Variants in RBM48 observed in about 807,000 individuals in gnomAD.
RBM48 encodes RNA binding motif protein 48, also known as RNA-binding protein 48.
In RBM48, 32 loss-of-function variants were observed where a neutral mutation model predicts 34.8. The ratio of observed to expected loss-of-function variants is 0.92; its 90% CI spans 0.69 to 1.23. The LOEUF (loss-of-function observed/expected upper bound fraction) is 1.23. Among genes scored for constraint, RBM48 ranks in the 50% most tolerant of loss-of-function variants. RBM48 has a pLI of 0.00. For synonymous variants in RBM48, 151 were observed against 156.2 expected (o/e 0.97, Z 0.25); for missense variants, 441 against 447.2 (o/e 0.99, Z 0.12).
Position 92,537,034 on chromosome 7 carries a change from T to C in RBM48, c.*97T>C. The stretch of plus-strand genomic sequence containing the variant: ...TTCAAGAGATTTTACTGCTGGTATT[T>C]TTTAATGCACTCCTCTTTGTAATTT... On this transcript the variant is annotated 3_prime_UTR_variant, in exon 5 of 5. Coordinates refer to ENST00000265732, the MANE Select transcript of RBM48 (RefSeq NM_032120.4). 1.2e-6 allele frequency: 1 copy of C among 840,338 alleles called. No individual in the cohort carries two copies. The highest frequency in any genetic ancestry group is 1.8e-6 in the Non-Finnish European group (1 of 549,848). The allele number at this position is 840,338 out of a possible 1,614,324, so 52.1% of individuals were successfully genotyped here. A position where few individuals can be genotyped will look rare whatever the true frequency, so the allele number is the denominator to read the frequency against.
chr7:92,537,930 A>G lies in RBM48; in HGVS notation c.*993A>G, dbSNP rs1793763808. The G allele has an allele frequency of 6.6e-6, 1 of 152,164 alleles. No individual in the cohort carries two copies. The highest frequency in any genetic ancestry group is 6.5e-5 in the Admixed American group (1 of 15,272). The allele number at this position is 152,164 out of a possible 1,614,324, so 9.4% of individuals were successfully genotyped here. ...GTGATTCACCCACCTCGGCCTCCCA[A>G]AGTACTAGGATTATGGGTGTGACCC... On this transcript the variant is annotated 3_prime_UTR_variant, in exon 5 of 5. Transcript: ENST00000265732.
At position 92,538,662 on chromosome 7, in the gene RBM48, C is replaced by T. The variant is rs1302089817; in HGVS notation, c.*1725C>T. 1.3e-5 allele frequency among the ~76,000 whole-genome samples: 2 copies of T among 152,172 alleles called. No individual in the cohort carries two copies. Among genetic ancestry groups the T allele is most frequent in the African/African-American group, 2.4e-5 (1 of 41,426 alleles). ...GGAGCAAATTGCTGTCTGGTTCAGGCTTCTCAGACTATAAGTTGCTATGAT... is the reference window on the plus strand; with the variant it reads ...GGAGCAAATTGCTGTCTGGTTCAGGTTTCTCAGACTATAAGTTGCTATGAT... On this transcript the variant is annotated 3_prime_UTR_variant, in exon 5 of 5. Coordinates refer to ENST00000265732, the MANE Select transcript of RBM48 (RefSeq NM_032120.4).
chr7:92,534,225 T>G (rs2116324671), intron 3 of RBM48, 177 bp from the exon 4 acceptor site: 1 of 909,622 alleles, frequency 1.1e-6, no homozygotes, highest in Middle Eastern at 2.2e-4. Flanking sequence ...ATATATCTTT[T>G]TATCCGTTTT....
At chr7:92,532,602 T>C (rs1793604443) in intron 3 of RBM48, 53 bp downstream of exon 3, 2 of 1,309,150 alleles carry the variant, frequency 1.5e-6, no homozygotes. Flanking sequence ...CTCTGCCAGG[T>C]GTGTCATCAT....
At chr7:92,533,888 G>T (rs1268368631) in intron 3 of RBM48, among the ~76,000 whole-genome samples, 1 of 146,984 alleles carries the variant, frequency 6.8e-6, no homozygotes. Flanking sequence ...AGTGCGACAA[G>T]CATATTGCTT....
At position 92,537,044 on chromosome 7, in the gene RBM48, C is replaced by A. The variant is rs761550739; in HGVS notation, c.*107C>A. On this transcript the variant is annotated 3_prime_UTR_variant, in exon 5 of 5. Transcript: ENST00000265732. Reference sequence around the variant, plus strand: ...TTTACTGCTGGTATTTTTTAATGCACTCCTCTTTGTAATTTCATTCAAGCC... The same window carrying A: ...TTTACTGCTGGTATTTTTTAATGCAATCCTCTTTGTAATTTCATTCAAGCC... 21 of 761,994 alleles carry A rather than the reference C, an allele frequency of 2.8e-5. No individual in the cohort carries two copies. The highest frequency in any genetic ancestry group is 4.1e-5 in the Non-Finnish European group (20 of 485,408). 47.2% of individuals were successfully genotyped at this position (761,994 alleles called of 1,614,324 possible). A position where few individuals can be genotyped will look rare whatever the true frequency, so the allele number is the denominator to read the frequency against.
At chr7:92,536,735 C>A in intron 4 of RBM48, 116 bp from the exon 5 acceptor site, 1 of 1,376,386 alleles carries the variant, frequency 7.3e-7, no homozygotes, top group Non-Finnish European at 9.4e-7. Context: ...CGAACTCTGC[C>A]TCGAAAGTGA....
At chr7:92,533,240 T>C (rs1793619789) in intron 3 of RBM48, among the ~76,000 whole-genome samples, 1 of 152,186 alleles carries the variant, frequency 6.6e-6, no homozygotes, top group Non-Finnish European at 1.5e-5. Flanking sequence ...AACTCTAACT[T>C]GTAAGATAAG....
Position 92,540,254 on chromosome 7 carries a change from A to C in RBM48, c.*3317A>C, listed in dbSNP as rs1356403004. The C allele has an allele frequency of 6.6e-6, 1 of 152,262 alleles. No individual in the cohort carries two copies. Among genetic ancestry groups the C allele is most frequent in the Non-Finnish European group, 1.5e-5 (1 of 68,048 alleles). 9.4% of individuals were successfully genotyped at this position (152,262 alleles called of 1,614,324 possible). ...TCCTGAATCTATATGGGCTATTGGC[A>C]CTAGTAACTATACATTTGCTTCTGG... On this transcript the variant is annotated 3_prime_UTR_variant, in exon 5 of 5. Coordinates refer to ENST00000265732, the MANE Select transcript of RBM48 (RefSeq NM_032120.4).
chr7:92,534,206 C>G, intron 3 of RBM48, 196 bp from the exon 4 acceptor site: 1 of 743,062 alleles, frequency 1.3e-6, no homozygotes. Flanking sequence ...AAGGGTGACA[C>G]TTGATGCTAT....
Position 92,538,263 on chromosome 7 carries a change from G to C in RBM48, c.*1326G>C, listed in dbSNP as rs77657145. Among the ~76,000 whole-genome samples, 18,523 of 152,130 alleles carry C rather than the reference G, an allele frequency of 0.12. 1,162 individuals carry two copies. Among genetic ancestry groups the C allele is most frequent in the African/African-American group, 0.14 (5,647 of 41,462 alleles). ...CTGGTCCTTTTAAGGGCTTACAACT[G>C]TAAGAGGGTCTGCGTGAAAGGGTTG... On this transcript the variant is annotated 3_prime_UTR_variant, in exon 5 of 5. Coordinates refer to ENST00000265732, the MANE Select transcript of RBM48 (RefSeq NM_032120.4).
Position 92,529,587 on chromosome 7 carries a change from T to G in RBM48, c.223T>G (p.Tyr75Asp). 1 of 1,610,942 alleles carries G rather than the reference T, an allele frequency of 6.2e-7. No individual in the cohort carries two copies. The highest frequency in any genetic ancestry group is 8.5e-7 in the Non-Finnish European group (1 of 1,177,376). The change falls in exon 2 of 5, where the codon TAC (tyrosine) becomes GAC (aspartate). Residue 75 changes from tyrosine to aspartate, a missense_variant. Tyr to Asp is a radical substitution (Grantham distance 160, BLOSUM62 -3). Transcript: ENST00000265732. ...CGCTTTATATGGTGCAATTGAACAG[T>G]ACAATGCTCTAGATGAATACCCAGC... ...RFALYGAIEQ[Y>D]NALDEYPAED... is the part of the protein sequence containing the mutation.
chr7:92,528,920 T>C lies in RBM48; in HGVS notation c.107T>C (p.Val36Ala), dbSNP rs1204016838. Residue 36 changes from valine (V) to alanine (A), a missense_variant, in exon 1 of 5, where the codon GTG becomes GCG. Physicochemically the swap from Val to Ala is moderately conservative, Grantham distance 64. Transcript: ENST00000265732. ...CGAGAGGGACGACGGCCTCGTGCTGTGAAGGTAAAGTGATTTTGGTTTCAT... is the reference window on the plus strand; with the variant it reads ...CGAGAGGGACGACGGCCTCGTGCTGCGAAGGTAAAGTGATTTTGGTTTCAT... ...KYREGRRPRAVKVYTINLESQ... is the reference protein window; with the variant it reads ...KYREGRRPRAAKVYTINLESQ... 1.9e-6 allele frequency: 3 copies of C among 1,612,460 alleles called. No homozygotes were observed. Among genetic ancestry groups the C allele is most frequent in the Admixed American group, 3.3e-5 (2 of 59,938 alleles).
chr7:92,533,837 T>C (rs957163727), intron 3 of RBM48, among the ~76,000 whole-genome samples: 6 of 152,132 alleles, frequency 3.9e-5, no homozygotes, highest in Non-Finnish European at 4.4e-5. Context: ...AATCTGCTTT[T>C]GGGAGAGTAA....
chr7:92,533,911 A>G (rs978829789), intron 3 of RBM48, among the ~76,000 whole-genome samples: 1 of 151,752 alleles, frequency 6.6e-6, no homozygotes, highest in African/African-American at 2.4e-5. Flanking sequence ...TTTAGTGACT[A>G]ACAAACACAA....
At position 92,537,454 on chromosome 7, in the gene RBM48, T is replaced by G. The variant is rs1793749255; in HGVS notation, c.*517T>G. The G allele has an allele frequency of 6.6e-6, 1 of 152,156 alleles. No homozygotes were observed. 9.4% of individuals were successfully genotyped at this position (152,156 alleles called of 1,614,324 possible). On this transcript the variant is annotated 3_prime_UTR_variant, in exon 5 of 5. Coordinates refer to ENST00000265732, the MANE Select transcript of RBM48 (RefSeq NM_032120.4). The stretch of plus-strand genomic sequence containing the variant: ...ATCTCTCATGTACAGTAATTATATG[T>G]AAATTAATTGAAGCAAATATGGAAA...
chr7:92,536,734 C>G (rs1437861634), intron 4 of RBM48, 117 bp from the exon 5 acceptor site: 1 of 1,374,350 alleles, frequency 7.3e-7, no homozygotes, highest in Non-Finnish European at 9.4e-7. Flanking sequence ...GCGAACTCTG[C>G]CTCGAAAGTG....
intron 3 of RBM48, among the ~76,000 whole-genome samples, chr7:92,532,804 G>C (rs537081481): frequency 6.6e-6 from 1 of 152,352 alleles, no homozygotes; most frequent in African/African-American, 2.4e-5. Context: ...AACTAAATGG[G>C]AGAGGAAAAG....
chr7:92,535,201 A>G, intron 4 of RBM48: 4 of 1,401,898 alleles, frequency 2.9e-6, no homozygotes, highest in Non-Finnish European at 3.7e-6. Context: ...CTGTAGATAC[A>G]AAATATTAAA....
Sources: gnomAD v4.1 joint callset for allele counts (sites outside exome capture counted in the v4.1 genomes callset) on GRCh38, gnomAD v4.1.1 for gene constraint, MANE v1.5 for transcripts, NCBI Gene and HGNC (gene_info 2026-07-23, HGNC 2026-07-21) for gene names.